The following RNF157 variants were observed in gnomAD, a reference collection of about 807,000 sequenced individuals.
The protein encoded by RNF157 is E3 ubiquitin ligase RNF157.
RNF157 carries 55 observed loss-of-function variants against 88.3 expected under a neutral mutation model. The ratio of observed to expected loss-of-function variants is 0.62; its 90% CI spans 0.50 to 0.78. RNF157 has a LOEUF of 0.78. Among genes scored for constraint, RNF157 ranks in the 30% least tolerant of loss-of-function variants. RNF157 has a pLI of 0.00. For missense variants in RNF157, 788 were observed against 860.8 expected, an observed-to-expected ratio of 0.92 and a Z score of 1.06; for synonymous variants, 334 against 341.2, an observed-to-expected ratio of 0.98 and a Z score of 0.23.
At chr17:76,229,808 T>C (rs1328129992) in intron 1 of RNF157, among the ~76,000 whole-genome samples, 1 of 152,142 alleles carries the variant, frequency 6.6e-6, no homozygotes, top group East Asian at 1.9e-4. Context: ...AAACTGCTTG[T>C]AATTTGTTTT....
intron 2 of RNF157, among the ~76,000 whole-genome samples, chr17:76,190,525 C>T (rs1439687008): frequency 6.6e-6 from 1 of 151,282 alleles, no homozygotes; most frequent in African/African-American, 2.4e-5. Context: ...TCGCTTGAGT[C>T]CAGGGAAGTC....
intron 1 of RNF157, among the ~76,000 whole-genome samples, chr17:76,224,682 T>A (rs4789254): frequency 0.14 from 21,449 of 151,592 alleles, 2,278 homozygotes; most frequent in African/African-American, 0.29. Flanking sequence ...TACGCCACAC[T>A]TGAAATACAC....
chr17:76,155,545 C>T lies in RNF157; in HGVS notation c.1698+17G>A. On this transcript the variant is annotated intron_variant, in intron 15 of 18. Coordinates refer to ENST00000269391, the MANE Select transcript of RNF157 (RefSeq NM_052916.3). ...AAAGAACAGAGAAGCCAGGGCGGTT[C>T]CCGTCCCTTCCCTTACCTCTCCTTC... The T allele has an allele frequency of 1.2e-6, 2 of 1,609,120 alleles. No homozygotes were observed. Among genetic ancestry groups the T allele is most frequent in the Non-Finnish European group, 1.7e-6 (2 of 1,178,408 alleles).
intron 1 of RNF157, among the ~76,000 whole-genome samples, chr17:76,227,972 T>C (rs1354277113): frequency 2.0e-5 from 3 of 152,230 alleles, no homozygotes; most frequent in African/African-American, 7.2e-5. Flanking sequence ...TGTATTCCCA[T>C]TGAATGTCCA....
chr17:76,230,858 A>G (rs1309682488), intron 1 of RNF157, among the ~76,000 whole-genome samples: 87 of 55,058 alleles, frequency 1.6e-3, no homozygotes, highest in East Asian at 3.8e-3. Flanking sequence ...AAAAAAAAAA[A>G]AGAGAGAGAG....
intron 2 of RNF157, among the ~76,000 whole-genome samples, chr17:76,186,802 T>C (rs2069298201): frequency 1.3e-5 from 2 of 151,860 alleles, no homozygotes; most frequent in Non-Finnish European, 2.9e-5. Flanking sequence ...TAGCCAGGCA[T>C]GGTAGTGCAC....
At chr17:76,192,927 C>A (rs1240205848) in intron 2 of RNF157, among the ~76,000 whole-genome samples, 1 of 151,002 alleles carries the variant, frequency 6.6e-6, no homozygotes, top group African/African-American at 2.4e-5. Context: ...ACCTCTCAGG[C>A]TCAAGTGATT....
At chr17:76,213,374 A>G (rs1046201011) in intron 1 of RNF157, among the ~76,000 whole-genome samples, 2 of 152,096 alleles carry the variant, frequency 1.3e-5, no homozygotes, top group African/African-American at 4.8e-5. Flanking sequence ...GTTAGAGACC[A>G]GCCTGGCCAA....
chr17:76,186,073 G>A (rs1244307947), intron 2 of RNF157, among the ~76,000 whole-genome samples: 1 of 151,782 alleles, frequency 6.6e-6, no homozygotes, highest in Non-Finnish European at 1.5e-5. Context: ...TTTTTGATAG[G>A]CCAATTACTA....
At position 76,195,622 on chromosome 17, in the gene RNF157, CA is replaced by C. The variant is rs1420547444; in HGVS notation, c.207+16741del. On this transcript the variant is annotated intron_variant, in intron 2 of 18. Transcript: ENST00000269391. The surrounding 1 kb of genome is among the most constrained non-coding windows in gnomAD (Gnocchi z 4.4). ...ATAGCCAAAATGCCCCAAAAAAGCT[CA>C]ATGCCTGCAAACAATAGAGTGGATA... is the stretch of plus-strand genomic sequence containing the variant. 1.3e-5 allele frequency among the ~76,000 whole-genome samples: 2 copies of C among 152,204 alleles called. No homozygotes were observed. Among genetic ancestry groups the C allele is most frequent in the South Asian group, 2.1e-4 (1 of 4,832 alleles).
At chr17:76,170,295 G>A (rs774212937) in intron 3 of RNF157, among the ~76,000 whole-genome samples, 5 of 151,692 alleles carry the variant, frequency 3.3e-5, no homozygotes, top group South Asian at 4.2e-4. Flanking sequence ...TGCTGTGATC[G>A]TGACTCATTG....
chr17:76,214,554 G>T (rs1035995275), intron 1 of RNF157, among the ~76,000 whole-genome samples: 5 of 152,088 alleles, frequency 3.3e-5, no homozygotes, highest in Non-Finnish European at 7.4e-5. Flanking sequence ...AGATAATACA[G>T]TTATCCCTGG....
chr17:76,221,083 T>G (rs185980316), intron 1 of RNF157, among the ~76,000 whole-genome samples: 63 of 152,236 alleles, frequency 4.1e-4, no homozygotes, highest in Middle Eastern at 6.8e-3. Flanking sequence ...TTTGCACCAC[T>G]GCACTCCAGC....
In RNF157 at chr17:76,212,349, T is replaced by C. The variant is rs2069815781; in HGVS notation, c.207+15A>G. The C allele has an allele frequency of 2.6e-6, 4 of 1,550,220 alleles. No homozygotes were observed. Among genetic ancestry groups the C allele is most frequent in the Non-Finnish European group, 3.6e-6 (4 of 1,124,292 alleles). ...ACTTAAGCTCCAAGTAGGAGTAAAC[T>C]GATTACAGCCATACCACAACTGGTC... is the stretch of plus-strand genomic sequence containing the variant. On this transcript the variant is annotated intron_variant, in intron 2 of 18. Coordinates refer to ENST00000269391, the MANE Select transcript of RNF157 (RefSeq NM_052916.3).
chr17:76,234,969 A>T (rs1243806100), intron 1 of RNF157, among the ~76,000 whole-genome samples: 3 of 152,204 alleles, frequency 2.0e-5, no homozygotes, highest in African/African-American at 4.8e-5. Flanking sequence ...AACCGAAAAT[A>T]AATGTAAGGA....
rs374778973 is a variant in RNF157 at position 76,161,801 on chromosome 17, C to T, written c.952+42G>A. 6.2e-7 allele frequency: 1 copy of T among 1,601,198 alleles called. No individual in the cohort carries two copies. The highest frequency in any genetic ancestry group is 8.5e-7 in the Non-Finnish European group (1 of 1,171,294). ...AGTGTTTTGTAAATGTCCTCTTGTC[C>T]CCTCTCCCACCCACCAGTCCCCCTG... On this transcript the variant is annotated intron_variant, in intron 10 of 18. Coordinates refer to ENST00000269391, the MANE Select transcript of RNF157 (RefSeq NM_052916.3). The surrounding 1 kb of genome is among the most constrained non-coding windows in gnomAD (Gnocchi z 4.6).
chr17:76,221,060 G>A (rs1256447399), intron 1 of RNF157, among the ~76,000 whole-genome samples: 2 of 152,084 alleles, frequency 1.3e-5, no homozygotes, highest in African/African-American at 4.8e-5. Context: ...GGTCAAGGCT[G>A]CAGTGAACCG....
intron 2 of RNF157, among the ~76,000 whole-genome samples, chr17:76,193,749 A>G (rs1391230163): frequency 2.0e-5 from 3 of 152,250 alleles, no homozygotes; most frequent in African/African-American, 7.2e-5. Context: ...TCAGGAGCTG[A>G]GCGAGAAAAC....
intron 1 of RNF157, chr17:76,226,813 G>C: frequency 4.6e-6 from 7 of 1,531,788 alleles, no homozygotes; most frequent in Non-Finnish European, 6.1e-6. Context: ...TCATGTTGCG[G>C]TGCTTTGCTG....
Sources: gnomAD v4.1 joint callset for allele counts (sites outside exome capture counted in the v4.1 genomes callset) on GRCh38, gnomAD v4.1.1 for gene constraint, Gnocchi (gnomAD v3.1) non-coding constraint, MANE v1.5 for transcripts, NCBI Gene and HGNC (gene_info 2026-07-23, HGNC 2026-07-21) for gene names.